SLC67A2: variants seen among roughly 807,000 people sequenced by gnomAD.
The protein encoded by SLC67A2 is solute carrier family 67 member 2.
the SLC67A2 span, among the ~76,000 whole-genome samples, chr2:102,733,677 A>G: frequency 5.9e-5 from 9 of 152,306 alleles, no homozygotes; most frequent in African/African-American, 1.2e-4. Context: ...AAAAGACTCA[A>G]AATGTACCAG....
At chr2:102,736,753 C>A in the SLC67A2 span, 2 of 1,613,802 alleles carry the variant, frequency 1.2e-6, no homozygotes, top group Admixed American at 3.3e-5. Flanking sequence ...TTCCGCTCTG[C>A]GGTCTCCGAG....
At chr2:102,732,463 A>G in the SLC67A2 span, 10 of 1,408,456 alleles carry the variant, frequency 7.1e-6, no homozygotes, top group East Asian at 2.3e-4. Context: ...AAACTAGTAA[A>G]CCTAAAAATT....
chr2:102,727,840 T>A, the SLC67A2 span, among the ~76,000 whole-genome samples: 1 of 152,228 alleles, frequency 6.6e-6, no homozygotes. Flanking sequence ...CTACTGTCAA[T>A]GTTTAAAATC....
the SLC67A2 span, among the ~76,000 whole-genome samples, chr2:102,733,390 T>C: frequency 5.9e-5 from 9 of 152,132 alleles, no homozygotes; most frequent in Non-Finnish European, 1.3e-4. Context: ...AATCTTTTGT[T>C]CCCCCTTCCC....
At chr2:102,719,864 G>C in the SLC67A2 span, among the ~76,000 whole-genome samples, 6 of 152,156 alleles carry the variant, frequency 3.9e-5, no homozygotes, top group Non-Finnish European at 7.4e-5. Context: ...CACCTGCTTG[G>C]ATCTGCCCCA....
chr2:102,715,063 G>T, the SLC67A2 span, among the ~76,000 whole-genome samples: 2 of 152,080 alleles, frequency 1.3e-5, no homozygotes, highest in Non-Finnish European at 2.9e-5. Flanking sequence ...TGCCCTGTGG[G>T]CCACAACCTC....
chr2:102,719,289 T>C, the SLC67A2 span: 1 of 1,354,294 alleles, frequency 7.4e-7, no homozygotes, highest in Non-Finnish European at 1.0e-6. Context: ...GGCCAATTAT[T>C]TGTGTTAGAT....
the SLC67A2 span, among the ~76,000 whole-genome samples, chr2:102,720,280 A>G: frequency 6.6e-6 from 1 of 152,240 alleles, no homozygotes; most frequent in Non-Finnish European, 1.5e-5. Context: ...AACCAACCAC[A>G]TGAGAATGTG....
the SLC67A2 span, chr2:102,736,831 G>A: frequency 2.8e-5 from 44 of 1,586,458 alleles, no homozygotes; most frequent in South Asian, 5.0e-4. Flanking sequence ...GCCGGGGGTC[G>A]GACGCAGCAG....
the SLC67A2 span, among the ~76,000 whole-genome samples, chr2:102,721,056 C>T: frequency 1.3e-5 from 2 of 152,198 alleles, no homozygotes; most frequent in African/African-American, 4.8e-5. Context: ...AAAAACAAGT[C>T]CCTCTTCCTT....
At chr2:102,726,872 G>A in the SLC67A2 span, 2 of 1,599,260 alleles carry the variant, frequency 1.3e-6, no homozygotes, top group South Asian at 2.2e-5. Flanking sequence ...AGGACAAACA[G>A]AAACACATTG....
chr2:102,732,360 T>C, the SLC67A2 span: 7 of 1,613,698 alleles, frequency 4.3e-6, no homozygotes, highest in South Asian at 7.7e-5. Flanking sequence ...TCCAAGGGAC[T>C]TGACATGAAG....
the SLC67A2 span, chr2:102,723,839 C>T: frequency 1.6e-5 from 26 of 1,614,062 alleles, no homozygotes; most frequent in South Asian, 2.2e-5. Flanking sequence ...CGATTACAAG[C>T]GGCCGTTCCT....
the SLC67A2 span, chr2:102,736,756 T>C: frequency 8.7e-6 from 14 of 1,613,580 alleles, no homozygotes. Flanking sequence ...CGCTCTGCGG[T>C]CTCCGAGACC....
the SLC67A2 span, among the ~76,000 whole-genome samples, chr2:102,721,006 A>G: frequency 6.6e-6 from 1 of 152,050 alleles, no homozygotes; most frequent in Non-Finnish European, 1.5e-5. Context: ...CTGCTATTCT[A>G]TTGGCCCCAG....
the SLC67A2 span, chr2:102,736,587 TGGGTCCCCA>T: frequency 5.6e-6 from 9 of 1,613,028 alleles, no homozygotes; most frequent in East Asian, 1.8e-4. Flanking sequence ...AAGAACCGCC[TGGGTCCCCA>T]GGCCCGAACA....
At chr2:102,718,796 G>A in the SLC67A2 span, 5 of 1,613,832 alleles carry the variant, frequency 3.1e-6, no homozygotes, top group East Asian at 2.2e-5. Context: ...CAGTGCCTGC[G>A]AGTTGTGCTT....
chr2:102,732,267 G>A, the SLC67A2 span: 1 of 1,388,540 alleles, frequency 7.2e-7, no homozygotes, highest in Non-Finnish European at 1.0e-6. Context: ...TCAGGTACTT[G>A]GTTCAGAGGA....
chr2:102,723,946 C>G, the SLC67A2 span: 4 of 1,536,756 alleles, frequency 2.6e-6, no homozygotes, highest in South Asian at 4.5e-5. Context: ...GTAACTTTTT[C>G]CAGACCATAA....
Sources: allele counts gnomAD v4.1 joint callset (sites outside exome capture counted in the v4.1 genomes callset), GRCh38; gene constraint gnomAD v4.1.1; transcripts MANE v1.5; gene names NCBI Gene and HGNC (gene_info 2026-07-23, HGNC 2026-07-21).